LARS2: variants seen among roughly 807,000 people sequenced by gnomAD.
LARS2 encodes the protein leucine--tRNA ligase, mitochondrial.
LARS2 carries 81 observed loss-of-function variants against 116.6 expected under a neutral mutation model. That is an observed-to-expected ratio of 0.69 (90% CI 0.58 to 0.84). LARS2 has a LOEUF of 0.84. Among genes scored for constraint, LARS2 ranks in the 40% least tolerant of loss-of-function variants. The pLI is 0.00. For missense variants in LARS2, 968 were observed against 1,114.5 expected (o/e 0.87, Z 1.87); for synonymous variants, 396 against 407.2 (o/e 0.97, Z 0.33).
chr3:45,479,045 C>A (rs116179988), intron 10 of LARS2, among the ~76,000 whole-genome samples: 1 of 152,040 alleles, frequency 6.6e-6, no homozygotes, highest in Admixed American at 6.5e-5. Flanking sequence ...CAGTGACCAC[C>A]GAGTGTCATG....
intron 8 of LARS2, 144 bp from the exon 9 acceptor site, chr3:45,474,099 C>G (rs1699574046): frequency 2.0e-6 from 1 of 509,392 alleles, no homozygotes; most frequent in Non-Finnish European, 3.6e-6. Flanking sequence ...CTGGCTTCCT[C>G]TGACTTAGTG....
intron 6 of LARS2, among the ~76,000 whole-genome samples, chr3:45,445,290 G>C (rs938996284): frequency 6.6e-6 from 1 of 152,172 alleles, no homozygotes; most frequent in Non-Finnish European, 1.5e-5. Context: ...CCTGCCCTGG[G>C]TTTTGTTAAC....
At chr3:45,438,108 C>G (rs1354053362) in intron 6 of LARS2, among the ~76,000 whole-genome samples, 1 of 152,138 alleles carries the variant, frequency 6.6e-6, no homozygotes, top group African/African-American at 2.4e-5. Context: ...TGAGAGGCCC[C>G]TAAACTGCCA....
chr3:45,462,458 G>A (rs1699346485), intron 8 of LARS2, among the ~76,000 whole-genome samples: 1 of 151,976 alleles, frequency 6.6e-6, no homozygotes, highest in Non-Finnish European at 1.5e-5. Flanking sequence ...AGAAGCAGAA[G>A]GGGCAGTGCC....
At chr3:45,426,135 C>T (rs1559464909) in intron 6 of LARS2, among the ~76,000 whole-genome samples, 2 of 152,148 alleles carry the variant, frequency 1.3e-5, no homozygotes, top group African/African-American at 4.8e-5. Flanking sequence ...CCCGTACTAC[C>T]TTGACACCTT....
intron 12 of LARS2, among the ~76,000 whole-genome samples, chr3:45,490,684 A>G (rs1428673426): frequency 6.6e-6 from 1 of 152,186 alleles, no homozygotes; most frequent in Admixed American, 6.5e-5. Context: ...ACATGGGAAG[A>G]TCATATTTAT....
chr3:45,503,373 A>G (rs1207795842), intron 15 of LARS2, among the ~76,000 whole-genome samples: 2 of 152,216 alleles, frequency 1.3e-5, no homozygotes, highest in East Asian at 3.9e-4. Context: ...TTCAGTGACG[A>G]TTCCTGCCTT....
chr3:45,419,686 G>A lies in LARS2; in HGVS notation c.473G>A (p.Arg158Lys), dbSNP rs558746708. 3.1e-6 allele frequency: 5 copies of A among 1,613,840 alleles called. No individual in the cohort carries two copies. The South Asian group carries it at 5.5e-5, about 18-fold the overall frequency. The change falls in exon 6 of 22, where the codon AGG (arginine) becomes AAG (lysine). Residue 158 changes from arginine to lysine, a missense_variant. Coordinates refer to ENST00000645846, the MANE Select transcript of LARS2 (RefSeq NM_015340.4). ...TTTCACAGTAATATTAAACACATGA[G>A]GAAACAGCTTGATCGTCTGGGCCTG... ...SWTQSNIKHM[R>K]KQLDRLGLCF...
intron 12 of LARS2, among the ~76,000 whole-genome samples, chr3:45,489,132 G>A (rs1331866719): frequency 6.6e-6 from 1 of 152,150 alleles, no homozygotes; most frequent in African/African-American, 2.4e-5. Context: ...TTTCCTAGAG[G>A]AGATATCTGT....
intron 8 of LARS2, among the ~76,000 whole-genome samples, chr3:45,468,467 C>A (rs888600666): frequency 1.3e-5 from 2 of 152,230 alleles, no homozygotes; most frequent in Non-Finnish European, 2.9e-5. Flanking sequence ...CCTCCCTCTC[C>A]TGTGGAAGCC....
At chr3:45,523,570 A>C (rs1700487010) in intron 19 of LARS2, among the ~76,000 whole-genome samples, 1 of 151,336 alleles carries the variant, frequency 6.6e-6, no homozygotes, top group African/African-American at 2.4e-5. Context: ...ACTGTTGCCC[A>C]AGCTTCAGTG....
At chr3:45,495,961 G>A (rs1028981701) in intron 13 of LARS2, among the ~76,000 whole-genome samples, 5 of 151,960 alleles carry the variant, frequency 3.3e-5, no homozygotes, top group African/African-American at 1.2e-4. Context: ...CCGGGTTCAA[G>A]CCATTCTCCT....
chr3:45,529,721 T>C (rs959036067), intron 20 of LARS2, among the ~76,000 whole-genome samples: 2 of 152,214 alleles, frequency 1.3e-5, no homozygotes, highest in Non-Finnish European at 2.9e-5. Context: ...TGAATATGCC[T>C]GAACAGAAAC....
intron 10 of LARS2, among the ~76,000 whole-genome samples, chr3:45,484,649 T>TATATA (rs36044906): frequency 8.0e-5 from 3 of 37,460 alleles, no homozygotes; most frequent in South Asian, 1.4e-3. Flanking sequence ...ATATATATAT[T>TATATA]TAAAATAAGA....
chr3:45,491,551 C>G lies in LARS2; in HGVS notation c.1274C>G (p.Ala425Gly). 1.2e-6 allele frequency: 2 copies of G among 1,614,162 alleles called. No homozygotes were observed. Among genetic ancestry groups the G allele is most frequent in the East Asian group, 4.5e-5 (2 of 44,882 alleles). Residue 425 changes from alanine to glycine, a missense_variant, in exon 13 of 22, where the codon GCC becomes GGC. Ala to Gly is a moderately conservative substitution (Grantham distance 60, BLOSUM62 0). Transcript: ENST00000645846. ...TGMTRQDAFL[A>G]LTQKARGKRV... ...ATGACCCGGCAGGATGCTTTTCTAG[C>G]CCTGACTCAGAAAGCCCGGGGGAAG...
chr3:45,516,323 T>C, intron 17 of LARS2, 47 bp downstream of exon 17: 1 of 1,560,960 alleles, frequency 6.4e-7, no homozygotes, highest in Non-Finnish European at 8.7e-7. Context: ...TGATCTGCCC[T>C]GGACTTTGAA....
chr3:45,435,778 T>A (rs1698787317), intron 6 of LARS2, among the ~76,000 whole-genome samples: 1 of 152,210 alleles, frequency 6.6e-6, no homozygotes, highest in Non-Finnish European at 1.5e-5. Context: ...CCTTAGGTAC[T>A]CATGTCCCTA....
At chr3:45,465,533 C>CA (rs762204469) in intron 8 of LARS2, among the ~76,000 whole-genome samples, 10 of 152,162 alleles carry the variant, frequency 6.6e-5, no homozygotes, top group Non-Finnish European at 1.3e-4. Flanking sequence ...CCCAGGCAAG[C>CA]AAAAAGCTGC....
At chr3:45,460,669 TCCATGAAG>T (rs1179966047) in intron 8 of LARS2, among the ~76,000 whole-genome samples, 1 of 152,106 alleles carries the variant, frequency 6.6e-6, no homozygotes, top group African/African-American at 2.4e-5. Context: ...AGAGTAAGAC[TCCATGAAG>T]CCTAACAGAG....
Sources: allele counts gnomAD v4.1 joint callset (sites outside exome capture counted in the v4.1 genomes callset), GRCh38; gene constraint gnomAD v4.1.1; transcripts MANE v1.5; gene names NCBI Gene and HGNC (gene_info 2026-07-23, HGNC 2026-07-21).